HMCN1: variants seen among roughly 807,000 people sequenced by gnomAD.
HMCN1 encodes hemicentin-1.
In HMCN1, 321 loss-of-function variants were observed where a neutral mutation model predicts 625.9. That is an observed-to-expected ratio of 0.51 (90% CI 0.47 to 0.56). The LOEUF is 0.56. HMCN1 is among the 20% of genes least tolerant of loss of function. The pLI, the probability that HMCN1 is intolerant of heterozygous loss-of-function variation, is 0.00. For synonymous variants in HMCN1, 2,425 were observed against 2,417.6 expected, an observed-to-expected ratio of 1.00 and a Z score of -0.09; for missense variants, 6,588 against 6,887.3, an observed-to-expected ratio of 0.96 and a Z score of 1.54.
At position 186,160,157 on chromosome 1, in the gene HMCN1, A is replaced by C. The variant is rs189612325; in HGVS notation, c.15257-4954A>C. Among the ~76,000 whole-genome samples, 379 of 151,168 alleles carry C rather than the reference A, an allele frequency of 2.5e-3. 2 individuals are homozygous for C. The highest frequency in any genetic ancestry group is 6.8e-3 in the Middle Eastern group (2 of 292). ...TCCTGGTTTAGTCTTGGGAGAGTGT[A>C]TGTGTCCAGGAATTTATCCATTTCT... On this transcript the variant is annotated intron_variant, in intron 97 of 106. Transcript: ENST00000271588.
chr1:185,801,800 A>T (rs1339409923), intron 1 of HMCN1, among the ~76,000 whole-genome samples: 2 of 152,208 alleles, frequency 1.3e-5, no homozygotes, highest in Non-Finnish European at 2.9e-5. Context: ...GAGGGAGTTA[A>T]GGATGGCTGG....
chr1:185,736,904 GT>G (rs1653614614), intron 1 of HMCN1, among the ~76,000 whole-genome samples: 1 of 152,162 alleles, frequency 6.6e-6, no homozygotes, highest in African/African-American at 2.4e-5. Context: ...TTAATTGTGT[GT>G]ATAATTCAAC....
intron 68 of HMCN1, among the ~76,000 whole-genome samples, chr1:186,097,944 C>T (rs1257214159): frequency 6.6e-6 from 1 of 152,058 alleles, no homozygotes; most frequent in Non-Finnish European, 1.5e-5. Flanking sequence ...AGAACACATA[C>T]TGGGGAAAGG....
At chr1:185,795,506 A>G (rs2102211016) in intron 1 of HMCN1, among the ~76,000 whole-genome samples, 1 of 152,310 alleles carries the variant, frequency 6.6e-6, no homozygotes, top group East Asian at 1.9e-4. Flanking sequence ...ATGCAACTCA[A>G]GAAATTGTGA....
chr1:186,038,136 G>GAT, intron 37 of HMCN1, 101 bp downstream of exon 37: 1 of 757,470 alleles, frequency 1.3e-6, no homozygotes, highest in Non-Finnish European at 2.4e-6. Flanking sequence ...TAAAGAACAG[G>GAT]TTATAGAATA....
At chr1:185,956,244 C>T (rs970895245) in intron 11 of HMCN1, among the ~76,000 whole-genome samples, 1 of 152,140 alleles carries the variant, frequency 6.6e-6, no homozygotes, top group Middle Eastern at 3.4e-3. Context: ...AGACACCAGC[C>T]AGGTGATCCT....
intron 105 of HMCN1, among the ~76,000 whole-genome samples, chr1:186,185,593 C>G (rs1653246669): frequency 6.6e-6 from 1 of 152,218 alleles, no homozygotes; most frequent in Non-Finnish European, 1.5e-5. Flanking sequence ...AAGTTATTTA[C>G]TCCGTATCAT....
In HMCN1 at chr1:186,151,624, T is replaced by C. The variant is rs1650670663; in HGVS notation, c.14777T>C (p.Ile4926Thr). ...PRSLGSAMRK[I>T]VSILNPIYWT... ...TCTTTAGGTTCAGCAATGAGAAAGA[T>C]AGTTTCTATTCTAAATCCCATTTAT... The change falls in exon 95 of 107, where the codon ATA becomes ACA. Residue 4926 changes from isoleucine (I) to threonine (T), a missense_variant. By Grantham distance (89) the Ile-to-Thr change is moderately conservative. This residue lies in a region of HMCN1 where 1,954 missense variants were observed against 2,013.1 expected (regional missense o/e 0.97). Transcript: ENST00000271588. 2 of 1,612,746 alleles carry C rather than the reference T, an allele frequency of 1.2e-6. No individual in the cohort carries two copies. The highest frequency in any genetic ancestry group is 1.1e-5 in the South Asian group (1 of 90,986).
chr1:186,190,577 C>CA lies in HMCN1; in HGVS notation c.*700dup, dbSNP rs1423972902. 1 of 199,384 alleles carries CA rather than the reference C, an allele frequency of 5.0e-6. No individual in the cohort carries two copies. Among genetic ancestry groups the CA allele is most frequent in the African/African-American group, 2.3e-5 (1 of 43,428 alleles). 12.4% of individuals were successfully genotyped at this position (199,384 alleles called of 1,614,324 possible). ...CTGCTTTGCCCTCACGTCAGTTGTA[C>CA]ATGGCATGGAACTTTAAAAATTTTA... is the stretch of plus-strand genomic sequence containing the variant. On this transcript the variant is annotated 3_prime_UTR_variant, in exon 107 of 107. Transcript: ENST00000271588.
intron 1 of HMCN1, among the ~76,000 whole-genome samples, chr1:185,809,895 T>C (rs2102243085): frequency 6.6e-6 from 1 of 152,218 alleles, no homozygotes; most frequent in East Asian, 1.9e-4. Flanking sequence ...AGGGTTTAGG[T>C]CATCCTTTTA....
In HMCN1 at chr1:186,166,814, A is replaced by C. The variant is rs2102622783; in HGVS notation, c.15446A>C (p.Asp5149Ala). The change falls in exon 100 of 107, where the codon GAT (aspartate) becomes GCT (alanine). Residue 5149 changes from aspartate to alanine, a missense_variant. This residue lies in a region of HMCN1 where 1,954 missense variants were observed against 2,013.1 expected (regional missense o/e 0.97). Coordinates refer to ENST00000271588, the MANE Select transcript of HMCN1 (RefSeq NM_031935.3). The stretch of plus-strand genomic sequence containing the variant: ...ATGATTCCCTCTGTTGCAGATATTG[A>C]TGAGTGTGCTTTGGGTAGGCATACC... ...AADGRTCQDI[D>A]ECALGRHTCH... is the part of the protein sequence containing the mutation. 1 of 1,614,026 alleles carries C rather than the reference A, an allele frequency of 6.2e-7. No individual in the cohort carries two copies. The highest frequency in any genetic ancestry group is 8.5e-7 in the Non-Finnish European group (1 of 1,180,010).
At chr1:185,883,109 G>A (rs934601324) in intron 4 of HMCN1, among the ~76,000 whole-genome samples, 1 of 152,048 alleles carries the variant, frequency 6.6e-6, no homozygotes, top group African/African-American at 2.4e-5. Flanking sequence ...GAATGAGTGA[G>A]TGAATACAAT....
intron 97 of HMCN1, among the ~76,000 whole-genome samples, chr1:186,161,310 G>C (rs1651459267): frequency 6.6e-6 from 1 of 151,956 alleles, no homozygotes; most frequent in African/African-American, 2.4e-5. Context: ...GAGCCTATGT[G>C]TGTCTCTGCA....
chr1:185,820,950 G>A (rs1660146505), intron 1 of HMCN1, among the ~76,000 whole-genome samples: 1 of 151,894 alleles, frequency 6.6e-6, no homozygotes, highest in Non-Finnish European at 1.5e-5. Context: ...TTTTCTTGAT[G>A]AGTTCTAATC....
chr1:185,999,890 A>G (rs1255940956), intron 25 of HMCN1, among the ~76,000 whole-genome samples, 155 bp from the exon 26 acceptor site: 1 of 152,162 alleles, frequency 6.6e-6, no homozygotes, highest in African/African-American at 2.4e-5. Flanking sequence ...TAATCTTCAT[A>G]TTTCCATGCC....
intron 10 of HMCN1, among the ~76,000 whole-genome samples, chr1:185,933,264 G>T (rs1248141027): frequency 2.0e-5 from 3 of 152,104 alleles, no homozygotes; most frequent in Admixed American, 2.0e-4. Context: ...TCCTCAGTCA[G>T]TCAAGTTATA....
At chr1:185,822,147 T>G (rs992079394) in intron 1 of HMCN1, among the ~76,000 whole-genome samples, 8 of 152,206 alleles carry the variant, frequency 5.3e-5, no homozygotes, top group African/African-American at 1.9e-4. Context: ...CACTATACAT[T>G]TGTCCAAACC....
At chr1:185,742,921 T>C (rs1363756344) in intron 1 of HMCN1, among the ~76,000 whole-genome samples, 1 of 152,192 alleles carries the variant, frequency 6.6e-6, no homozygotes, top group East Asian at 1.9e-4. Context: ...ATATTTTAAA[T>C]GTGTTAGGCA....
intron 19 of HMCN1, among the ~76,000 whole-genome samples, chr1:185,986,238 C>A (rs1287245090): frequency 6.6e-6 from 1 of 152,142 alleles, no homozygotes; most frequent in Non-Finnish European, 1.5e-5. Flanking sequence ...CATATCTAAT[C>A]TAAGCCTTCC....
Sources: gnomAD v4.1 joint callset for allele counts (sites outside exome capture counted in the v4.1 genomes callset) on GRCh38, gnomAD v4.1.1 for gene constraint, gnomAD v4.1.1 regional missense constraint, MANE v1.5 for transcripts, NCBI Gene and HGNC (gene_info 2026-07-23, HGNC 2026-07-21) for gene names.